Variants in CD163L1 observed in about 807,000 individuals in gnomAD.
CD163L1 encodes scavenger receptor cysteine-rich type 1 protein M160.
CD163L1 carries 124 observed loss-of-function variants against 165.4 expected under a neutral mutation model. The observed-to-expected ratio is 0.75, with a 90% confidence interval of 0.65 to 0.87. The LOEUF is 0.87. Ranked by LOEUF, CD163L1 falls within the 40% of genes least tolerant of loss-of-function variation. The probability of loss-of-function intolerance (pLI) is 0.00; values close to 1 mark genes in which losing one functional copy is unlikely to be tolerated. For synonymous variants in CD163L1, 585 were observed against 662.2 expected, an observed-to-expected ratio of 0.88 and a Z score of 1.79; for missense variants, 1,525 against 1,799.9, an observed-to-expected ratio of 0.85 and a Z score of 2.76.
downstream of CD163L1, among the ~76,000 whole-genome samples, chr12:7,343,686 C>T (rs778370258): frequency 6.6e-6 from 1 of 152,274 alleles, no homozygotes; most frequent in South Asian, 2.1e-4. Flanking sequence ...ACCCAAACAC[C>T]TCCCACCAGG....
At position 7,406,811 on chromosome 12, in the gene CD163L1, G is replaced by A. The variant is rs143343430; in HGVS notation, c.808C>T (p.Arg270Cys). The change falls in exon 5 of 20, where the codon CGC becomes TGC. Residue 270 changes from arginine to cysteine, a missense_variant. Physicochemically the swap from Arg to Cys is radical, Grantham distance 180. Transcript: ENST00000313599. ...TTCAGCTCTACTCTCCCCATACAGC[G>A]GTTAGTTCCACCTACAAGCCTTAGT... The part of the protein sequence containing the change: ...LELRLVGGTN[R>C]CMGRVELKIQ... 20 of 1,613,840 alleles carry A rather than the reference G, an allele frequency of 1.2e-5. No homozygotes were observed. Among genetic ancestry groups the A allele is most frequent in the Non-Finnish European group, 1.4e-5 (17 of 1,179,970 alleles).
At chr12:7,342,841 T>G (rs1234426848), downstream of CD163L1, among the ~76,000 whole-genome samples, 1 of 152,244 alleles carries the variant, frequency 6.6e-6, no homozygotes, top group Non-Finnish European at 1.5e-5. Context: ...CAAAGCTTCA[T>G]GGACTCCAAA....
intron 6 of CD163L1, among the ~76,000 whole-genome samples, chr12:7,399,483 T>TTCGTCC: frequency 6.7e-6 from 1 of 149,278 alleles, no homozygotes; most frequent in East Asian, 2.0e-4. Context: ...TCCTTCCTTC[T>TTCGTCC]TCTTCCTCTT....
At chr12:7,346,311 G>GT (rs1169369921), downstream of CD163L1, among the ~76,000 whole-genome samples, 16 of 151,558 alleles carry the variant, frequency 1.1e-4, no homozygotes, top group Admixed American at 7.9e-4. Flanking sequence ...CCTTTTCTAT[G>GT]TTTTTTATTA....
chr12:7,370,290 G>A (rs746314032), intron 14 of CD163L1, among the ~76,000 whole-genome samples: 13 of 152,324 alleles, frequency 8.5e-5, no homozygotes, highest in Non-Finnish European at 1.8e-4. Flanking sequence ...TTTCACTGCA[G>A]ATAATTATAA....
intron 8 of CD163L1, among the ~76,000 whole-genome samples, chr12:7,393,416 C>A (rs753308505): frequency 6.6e-6 from 1 of 152,114 alleles, no homozygotes; most frequent in Admixed American, 6.5e-5. Context: ...ATTGATGGAA[C>A]GTATCTCAAA....
At position 7,383,696 on chromosome 12, in the gene CD163L1, G is replaced by A. The variant is rs117264264; in HGVS notation, c.2051-4398C>T. 2.3e-4 allele frequency among the ~76,000 whole-genome samples: 35 copies of A among 152,254 alleles called. No homozygotes were observed. In the East Asian group the frequency reaches 5.8e-3, roughly 25 times the overall value. ...AGTCTAAGCCAAAGAGGAAATCCCA[G>A]ACACTCTTCACACTGATTATCACTG... On this transcript the variant is annotated intron_variant, in intron 8 of 19. Transcript: ENST00000313599.
rs189557566 is a variant in CD163L1 at position 7,363,697 on chromosome 12, C to T, written c.4279+3539G>A. 9.0e-4 allele frequency among the ~76,000 whole-genome samples: 136 copies of T among 150,910 alleles called. 1 individual carries two copies. The Middle Eastern group carries it at 0.01, about 11-fold the overall frequency. On this transcript the variant is annotated intron_variant, in intron 18 of 19. Transcript: ENST00000313599. ...TAGAAGAAACTGATATATTTCTAGT[C>T]ATATACAAACCTACCAACACCGTGC...
chr12:7,356,284 C>G (rs976757742), intron 19 of CD163L1, among the ~76,000 whole-genome samples: 1 of 151,970 alleles, frequency 6.6e-6, no homozygotes, highest in Non-Finnish European at 1.5e-5. Flanking sequence ...AAATATAAGT[C>G]TTGGTATTAG....
chr12:7,340,461 T>C, the CD163L1 span, among the ~76,000 whole-genome samples: 2 of 152,296 alleles, frequency 1.3e-5, no homozygotes, highest in South Asian at 4.1e-4. Flanking sequence ...ATAGTGAGAA[T>C]ATATAATTTA....
At chr12:7,337,127 A>G in the CD163L1 span, among the ~76,000 whole-genome samples, 1 of 152,090 alleles carries the variant, frequency 6.6e-6, no homozygotes, top group Non-Finnish European at 1.5e-5. Flanking sequence ...ATGCAGAAAC[A>G]AAAACTGGAC....
intron 2 of CD163L1, chr12:7,439,336 CT>C (rs1565821311): frequency 3.1e-6 from 5 of 1,588,790 alleles, no homozygotes; most frequent in Non-Finnish European, 4.3e-6. Flanking sequence ...TTTACTTCAT[CT>C]TTTTTGGGCT....
rs767328487 is a variant in CD163L1, at chr12:7,420,184, C to T, written c.766+12232G>A. ...AAAGAGTGAAAACGGATCCTCATCTCTCACTCTATACAAAAATCAATTCAA... is the reference window on the plus strand; with the variant it reads ...AAAGAGTGAAAACGGATCCTCATCTTTCACTCTATACAAAAATCAATTCAA... On this transcript the variant is annotated intron_variant, in intron 4 of 19. Transcript: ENST00000313599. Among the ~76,000 whole-genome samples the T allele has an allele frequency of 2.2e-4, 33 of 152,042 alleles. No homozygotes were observed. The South Asian group carries it at 6.6e-3, about 31-fold the overall frequency.
At chr12:7,433,728 G>A in intron 2 of CD163L1, 34 bp from the exon 3 acceptor site, 1 of 1,499,950 alleles carries the variant, frequency 6.7e-7, no homozygotes, top group Non-Finnish European at 9.1e-7. Context: ...ATTAGAGATG[G>A]CAAAGATTAG....
intron 18 of CD163L1, among the ~76,000 whole-genome samples, chr12:7,362,479 AAGAT>A (rs1195410323): frequency 7.2e-6 from 1 of 139,746 alleles, no homozygotes; most frequent in Non-Finnish European, 1.5e-5. Context: ...TTTATTCTGT[AAGAT>A]AGTATATATT....
downstream of CD163L1, among the ~76,000 whole-genome samples, chr12:7,342,284 C>A (rs748196843): frequency 3.9e-5 from 6 of 152,320 alleles, no homozygotes; most frequent in South Asian, 1.0e-3. Flanking sequence ...CACTTAAAGG[C>A]ATTCTTAAAC....
intron 4 of CD163L1, among the ~76,000 whole-genome samples, chr12:7,425,116 G>A (rs1034764473): frequency 7.9e-5 from 12 of 152,146 alleles, no homozygotes; most frequent in Non-Finnish European, 1.3e-4. Flanking sequence ...AACCAGCATG[G>A]TACTGGTGCC....
chr12:7,342,252 T>C (rs1406903989), downstream of CD163L1, among the ~76,000 whole-genome samples: 1 of 152,224 alleles, frequency 6.6e-6, no homozygotes, highest in African/African-American at 2.4e-5. Flanking sequence ...AGGGAACAGC[T>C]GACCCACCCA....
At chr12:7,319,161 A>G in the CD163L1 span, among the ~76,000 whole-genome samples, 2 of 152,222 alleles carry the variant, frequency 1.3e-5, no homozygotes, top group Admixed American at 1.3e-4. Flanking sequence ...GTGACAGATC[A>G]TCAGGCATTA....
Sources: allele counts gnomAD v4.1 joint callset (sites outside exome capture counted in the v4.1 genomes callset), GRCh38; gene constraint gnomAD v4.1.1; transcripts MANE v1.5; gene names NCBI Gene and HGNC (gene_info 2026-07-23, HGNC 2026-07-21).